KIF26B: variants seen among roughly 807,000 people sequenced by gnomAD.
KIF26B encodes kinesin-like protein KIF26B.
Under a neutral mutation model 151.2 loss-of-function variants are expected in KIF26B, and 63 were observed. The ratio of observed to expected loss-of-function variants is 0.42; its 90% CI spans 0.34 to 0.51. The LOEUF (loss-of-function observed/expected upper bound fraction) is 0.51, where lower values mean the gene tolerates loss of function less well. Ranked by LOEUF, KIF26B falls within the 20% of genes least tolerant of loss-of-function variation. The pLI, the probability that KIF26B is intolerant of heterozygous loss-of-function variation, is 0.07. For synonymous variants in KIF26B, 1,357 were observed against 1,262.1 expected (o/e 1.08, Z -1.59); for missense variants, 2,813 against 2,913.6 (o/e 0.97, Z 0.79).
At position 245,699,057 on chromosome 1, in the gene KIF26B, C is replaced by T. The variant is rs1239402070; in HGVS notation, c.6178+20C>T. 14 of 1,609,412 alleles carry T rather than the reference C, an allele frequency of 8.7e-6. 1 individual carries two copies. In the South Asian group the frequency reaches 1.4e-4, roughly 17 times the overall value. On this transcript the variant is annotated intron_variant, in intron 14 of 14. Coordinates refer to ENST00000407071, the MANE Select transcript of KIF26B (RefSeq NM_018012.4). ...GTGAATGTAAGGCCGGGGTGCCTTC[C>T]CACCCTTGTGACTAGTGGGTTCACC...
At chr1:245,499,054 C>A (rs1419624306) in intron 4 of KIF26B, among the ~76,000 whole-genome samples, 1 of 152,140 alleles carries the variant, frequency 6.6e-6, no homozygotes, top group Non-Finnish European at 1.5e-5. Context: ...GAAGGAACAA[C>A]TTGGATTGCC....
intron 2 of KIF26B, among the ~76,000 whole-genome samples, chr1:245,363,626 T>C (rs1377797831): frequency 6.6e-6 from 1 of 152,216 alleles, no homozygotes; most frequent in Non-Finnish European, 1.5e-5. Context: ...AAAATATTTA[T>C]GTATAATGTG....
intron 10 of KIF26B, among the ~76,000 whole-genome samples, chr1:245,661,961 CAT>C (rs62636738): frequency 0.57 from 22,942 of 40,000 alleles, 9,644 homozygotes; most frequent in East Asian, 0.86. Context: ...ACACACACCC[CAT>C]ATATATATAT....
chr1:245,453,900 C>T (rs755761047), intron 4 of KIF26B, among the ~76,000 whole-genome samples: 6 of 152,120 alleles, frequency 3.9e-5, no homozygotes, highest in Non-Finnish European at 8.8e-5. Context: ...GAAATGATGT[C>T]ATTCTGAAAT....
At chr1:245,380,461 G>A (rs1673379792) in intron 3 of KIF26B, among the ~76,000 whole-genome samples, 1 of 152,200 alleles carries the variant, frequency 6.6e-6, no homozygotes, top group Admixed American at 6.5e-5. Flanking sequence ...AGGCTGCAAG[G>A]CGCTGCGTCG....
chr1:245,328,122 G>GATA (rs556483421), intron 2 of KIF26B, among the ~76,000 whole-genome samples: 65 of 146,824 alleles, frequency 4.4e-4, no homozygotes, highest in African/African-American at 1.6e-3. Context: ...CTGCTTTGCT[G>GATA]GTAGGCTGTG....
At chr1:245,381,591 G>C (rs1367286391) in intron 3 of KIF26B, among the ~76,000 whole-genome samples, 1 of 152,084 alleles carries the variant, frequency 6.6e-6, no homozygotes, top group Non-Finnish European at 1.5e-5. Context: ...CAGGGAAGCC[G>C]AAAGATTGGA....
intron 4 of KIF26B, among the ~76,000 whole-genome samples, chr1:245,530,444 A>G (rs1331086480): frequency 6.6e-6 from 1 of 152,248 alleles, no homozygotes; most frequent in Non-Finnish European, 1.5e-5. Context: ...GCATCCATCA[A>G]TAGACAAATG....
intron 2 of KIF26B, among the ~76,000 whole-genome samples, chr1:245,171,888 T>G (rs988522512): frequency 6.6e-6 from 1 of 152,222 alleles, no homozygotes; most frequent in Non-Finnish European, 1.5e-5. Context: ...TTAATCATAA[T>G]AACTGCTTCA....
intron 2 of KIF26B, among the ~76,000 whole-genome samples, chr1:245,209,560 C>T (rs573452885): frequency 6.6e-6 from 1 of 152,008 alleles, no homozygotes; most frequent in Admixed American, 6.6e-5. Flanking sequence ...AGCTGTGGGA[C>T]ATAGAGAGAG....
chr1:245,219,688 T>C (rs1378661614), intron 2 of KIF26B, among the ~76,000 whole-genome samples: 2 of 152,014 alleles, frequency 1.3e-5, no homozygotes, highest in Admixed American at 6.5e-5. Flanking sequence ...GAGCTGTGAT[T>C]GCACCGCTGC....
intron 2 of KIF26B, among the ~76,000 whole-genome samples, chr1:245,257,738 C>T (rs1670564256): frequency 6.6e-6 from 1 of 152,098 alleles, no homozygotes; most frequent in South Asian, 2.1e-4. Context: ...GAAAGTTGGT[C>T]AGGCCGGGTG....
chr1:245,531,498 G>A lies in KIF26B; in HGVS notation c.1167-9269G>A, dbSNP rs545632875. Among the ~76,000 whole-genome samples the A allele has an allele frequency of 3.8e-4, 58 of 152,152 alleles. 2 individuals are homozygous for A. The South Asian group carries it at 0.012, about 31-fold the overall frequency. On this transcript the variant is annotated intron_variant, in intron 4 of 14. Coordinates refer to ENST00000407071, the MANE Select transcript of KIF26B (RefSeq NM_018012.4). ...GGGCCAGGTTAAGGATGGATGTGAT[G>A]ATGTATAGAAAATGTTTTAAGAAAA...
At chr1:245,197,519 C>A (rs1669217029) in intron 2 of KIF26B, among the ~76,000 whole-genome samples, 1 of 152,116 alleles carries the variant, frequency 6.6e-6, no homozygotes, top group Non-Finnish European at 1.5e-5. Flanking sequence ...CGTGCTCACA[C>A]ACTTCAGAAG....
chr1:245,311,839 A>G (rs926352414), intron 2 of KIF26B, among the ~76,000 whole-genome samples: 3 of 152,160 alleles, frequency 2.0e-5, no homozygotes, highest in African/African-American at 7.2e-5. Flanking sequence ...CTGAGGCAGG[A>G]GAACGGCTTG....
At chr1:245,456,775 T>C (rs1006074458) in intron 4 of KIF26B, among the ~76,000 whole-genome samples, 2 of 152,272 alleles carry the variant, frequency 1.3e-5, no homozygotes, top group South Asian at 2.1e-4. Context: ...AACCTTGTTA[T>C]TGTTTGCCAG....
rs1477199027 is a variant in KIF26B at position 245,564,995 on chromosome 1, C to T, written c.1350+24045C>T. Among the ~76,000 whole-genome samples, 1 of 152,140 alleles carries T rather than the reference C, an allele frequency of 6.6e-6. No individual in the cohort carries two copies. The highest frequency in any genetic ancestry group is 2.4e-5 in the African/African-American group (1 of 41,438). ...ACACCGACTAGCACTGGTCCGTGGC[C>T]TGGGGGTTAGGGAGCCCTGCTCTGT... On this transcript the variant is annotated intron_variant, in intron 5 of 14. Coordinates refer to ENST00000407071, the MANE Select transcript of KIF26B (RefSeq NM_018012.4). The surrounding 1 kb of genome is among the most constrained non-coding windows in gnomAD (Gnocchi z 4.6).
chr1:245,654,134 C>T (rs1269584714), intron 10 of KIF26B, among the ~76,000 whole-genome samples: 3 of 152,272 alleles, frequency 2.0e-5, no homozygotes, highest in African/African-American at 4.8e-5. Context: ...ACATTCAGGT[C>T]GGTCTCCTGG....
At position 245,367,154 on chromosome 1, in the gene KIF26B, C is replaced by T; in HGVS notation, c.786C>T (p.Asn262=). 6.2e-7 allele frequency: 1 copy of T among 1,603,974 alleles called. No individual in the cohort carries two copies. The highest frequency in any genetic ancestry group is 1.1e-5 in the South Asian group (1 of 89,122). Residue 262 remains asparagine (N), a synonymous_variant, in exon 3 of 15, where the codon AAC becomes AAT. Coordinates refer to ENST00000407071, the MANE Select transcript of KIF26B (RefSeq NM_018012.4). This position sits in a 1 kb window ranked among gnomAD's most constrained non-coding sequence, Gnocchi z 4.2. ...CATSNYTGFA[N]KHGSKPSSLG... is the part of the protein sequence containing the mutation. ...CCTCCAACTACACAGGCTTCGCCAACAAGCACGGCAGCAAACCCAGCAGCC... is the reference window on the plus strand; with the variant it reads ...CCTCCAACTACACAGGCTTCGCCAATAAGCACGGCAGCAAACCCAGCAGCC...
Sources: gnomAD v4.1 joint callset for allele counts (sites outside exome capture counted in the v4.1 genomes callset) on GRCh38, gnomAD v4.1.1 for gene constraint, Gnocchi (gnomAD v3.1) non-coding constraint, MANE v1.5 for transcripts, NCBI Gene and HGNC (gene_info 2026-07-23, HGNC 2026-07-21) for gene names.